Variants in SKAP2 observed in about 807,000 individuals in gnomAD.
SKAP2 encodes the protein src kinase associated phosphoprotein 2.
Under a neutral mutation model 54.9 loss-of-function variants are expected in SKAP2, and 28 were observed. The observed-to-expected ratio is 0.51, with a 90% CI of 0.38 to 0.70. The LOEUF is 0.70. Among genes scored for constraint, SKAP2 ranks in the 30% least tolerant of loss-of-function variants. The pLI is 0.00. For synonymous variants in SKAP2, 137 were observed against 134.3 expected (o/e 1.02, Z -0.14); for missense variants, 356 against 424.1 (o/e 0.84, Z 1.41).
intron 2 of SKAP2, among the ~76,000 whole-genome samples, 199 bp downstream of exon 2, chr7:26,854,586 A>C (rs1307528301): frequency 6.6e-6 from 1 of 152,078 alleles, no homozygotes; most frequent in African/African-American, 2.4e-5. Context: ...ATACATAATC[A>C]AGAAGGGTAC....
intron 4 of SKAP2, among the ~76,000 whole-genome samples, chr7:26,786,621 C>T (rs1225275017): frequency 6.6e-6 from 1 of 152,186 alleles, no homozygotes; most frequent in African/African-American, 2.4e-5. Context: ...CTGGCACTTT[C>T]AACGGGTGCC....
At chr7:26,802,711 T>C (rs1388338067) in intron 4 of SKAP2, among the ~76,000 whole-genome samples, 1 of 151,922 alleles carries the variant, frequency 6.6e-6, no homozygotes, top group African/African-American at 2.4e-5. Context: ...TGAAACCCAG[T>C]CTCTACTAAA....
intron 11 of SKAP2, among the ~76,000 whole-genome samples, chr7:26,678,591 C>A (rs1038874505): frequency 6.6e-6 from 1 of 151,938 alleles, no homozygotes; most frequent in Non-Finnish European, 1.5e-5. Context: ...CAGGTGCGCA[C>A]CACCACGCCC....
Position 26,705,707 on chromosome 7 carries a change from C to T in SKAP2, c.797-15345G>A, listed in dbSNP as rs569769670. Among the ~76,000 whole-genome samples, 45 of 152,268 alleles carry T rather than the reference C, an allele frequency of 3.0e-4. No homozygotes were observed. In the Middle Eastern group the frequency reaches 0.017, roughly 58 times the overall value. On this transcript the variant is annotated intron_variant, in intron 9 of 12. Coordinates refer to ENST00000345317, the MANE Select transcript of SKAP2 (RefSeq NM_003930.5). Reference sequence around the variant, plus strand: ...TTTAGTGAGGAAATACAATACACTACTTGGCATGTGTCCACAGGAAAAGTC... The same window carrying T: ...TTTAGTGAGGAAATACAATACACTATTTGGCATGTGTCCACAGGAAAAGTC...
chr7:26,692,712 AAT>A (rs1276868698), intron 9 of SKAP2, among the ~76,000 whole-genome samples: 1 of 152,224 alleles, frequency 6.6e-6, no homozygotes, highest in East Asian at 1.9e-4. Context: ...TCTTTTTAAC[AAT>A]AGTTATCTCA....
chr7:26,741,950 C>CCA (rs1312049194), intron 4 of SKAP2, among the ~76,000 whole-genome samples: 4 of 151,754 alleles, frequency 2.6e-5, no homozygotes, highest in African/African-American at 9.7e-5. Flanking sequence ...CCAGTAAACA[C>CCA]CACACAGTAT....
intron 4 of SKAP2, chr7:26,742,493 CTT>C (rs1465386623): frequency 6.6e-6 from 1 of 152,020 alleles, no homozygotes; most frequent in Non-Finnish European, 1.5e-5. Context: ...TAGCCTGAGT[CTT>C]TTGCTTTAAG....
chr7:26,736,052 T>A (rs1787932895), intron 6 of SKAP2, among the ~76,000 whole-genome samples: 1 of 152,158 alleles, frequency 6.6e-6, no homozygotes, highest in African/African-American at 2.4e-5. Context: ...GAAAAAGGAA[T>A]GCTAAAATGG....
intron 4 of SKAP2, chr7:26,746,714 A>G (rs983882274): frequency 1.2e-4 from 18 of 151,500 alleles, no homozygotes; most frequent in African/African-American, 4.4e-4. Context: ...AATCATCTCC[A>G]AAGCCCTCCT....
intron 4 of SKAP2, among the ~76,000 whole-genome samples, chr7:26,822,930 A>G (rs550018161): frequency 1.3e-5 from 2 of 152,234 alleles, no homozygotes; most frequent in East Asian, 3.9e-4. Flanking sequence ...TTCAAGTGAA[A>G]GAAAGAGTTC....
At chr7:26,830,170 T>C (rs1314311767) in intron 4 of SKAP2, among the ~76,000 whole-genome samples, 1 of 152,180 alleles carries the variant, frequency 6.6e-6, no homozygotes, top group Non-Finnish European at 1.5e-5. Context: ...TTATATGAAA[T>C]ATCCACATTA....
intron 9 of SKAP2, among the ~76,000 whole-genome samples, chr7:26,710,389 A>C (rs922748565): frequency 6.6e-6 from 1 of 152,354 alleles, no homozygotes; most frequent in African/African-American, 2.4e-5. Context: ...AGAAAAGTTT[A>C]GAGAAGCTCA....
chr7:26,861,606 T>TA (rs1371718312), intron 1 of SKAP2, among the ~76,000 whole-genome samples: 2 of 137,758 alleles, frequency 1.5e-5, no homozygotes, highest in Admixed American at 7.4e-5. Context: ...GAGTTAACAA[T>TA]AACAACCTCT....
intron 9 of SKAP2, among the ~76,000 whole-genome samples, chr7:26,715,382 C>A (rs11770344): frequency 0.47 from 69,479 of 147,206 alleles, 16,976 homozygotes; most frequent in East Asian, 0.6. Flanking sequence ...GTTAAAGTTT[C>A]TTTTCCTTAT....
chr7:26,811,452 C>T (rs1392255845), intron 4 of SKAP2, among the ~76,000 whole-genome samples: 1 of 152,142 alleles, frequency 6.6e-6, no homozygotes, highest in Non-Finnish European at 1.5e-5. Flanking sequence ...TTTCCCTGTC[C>T]CTACACCCTC....
chr7:26,864,560 C>G lies in SKAP2; in HGVS notation c.-131G>C. 4.2e-6 allele frequency: 6 copies of G among 1,433,354 alleles called. No homozygotes were observed. The highest frequency in any genetic ancestry group is 5.5e-6 in the Non-Finnish European group (6 of 1,093,630). 88.8% of individuals were successfully genotyped at this position (1,433,354 alleles called of 1,614,324 possible). ...AACAGCGGGGCTACGAGTCGGGACA[C>G]TGCCGGGCCGGGGCTCACAACAAGG... On this transcript the variant is annotated 5_prime_UTR_variant, in exon 1 of 13. Transcript: ENST00000345317.
chr7:26,745,732 C>A (rs571381097), intron 4 of SKAP2, among the ~76,000 whole-genome samples: 6 of 152,246 alleles, frequency 3.9e-5, no homozygotes, highest in African/African-American at 1.4e-4. Context: ...CCAGGCTGAT[C>A]TCAAATTACT....
intron 9 of SKAP2, among the ~76,000 whole-genome samples, chr7:26,722,968 T>C (rs1787610838): frequency 6.6e-6 from 1 of 152,216 alleles, no homozygotes. Context: ...GTAGTATTAT[T>C]TAATTCTGGG....
chr7:26,679,187 AG>A (rs899531205), intron 11 of SKAP2, among the ~76,000 whole-genome samples: 5 of 152,166 alleles, frequency 3.3e-5, no homozygotes, highest in African/African-American at 9.7e-5. Flanking sequence ...TCTACCTGTC[AG>A]GCCATTGCAA....
Sources: gnomAD v4.1 joint callset for allele counts (sites outside exome capture counted in the v4.1 genomes callset) on GRCh38, gnomAD v4.1.1 for gene constraint, MANE v1.5 for transcripts, NCBI Gene and HGNC (gene_info 2026-07-23, HGNC 2026-07-21) for gene names.